The following CHD6 variants were observed in gnomAD, a reference collection of about 807,000 sequenced individuals.
The protein encoded by CHD6 is chromodomain helicase DNA binding protein 6.
In CHD6, 50 loss-of-function variants were observed where a neutral mutation model predicts 276.9. The ratio of observed to expected loss-of-function variants is 0.18; its 90% CI spans 0.14 to 0.23. CHD6 has a LOEUF of 0.23. Among genes scored for constraint, CHD6 ranks in the 10% least tolerant of loss-of-function variants. CHD6 has a pLI of 1.00. For synonymous variants in CHD6, 1,173 were observed against 1,229.3 expected, an observed-to-expected ratio of 0.95 and a Z score of 0.96; for missense variants, 2,564 against 3,365.8, an observed-to-expected ratio of 0.76 and a Z score of 5.89.
At chr20:41,606,462 C>T (rs568464742) in intron 1 of CHD6, among the ~76,000 whole-genome samples, 2 of 151,440 alleles carry the variant, frequency 1.3e-5, no homozygotes, top group South Asian at 2.1e-4. Context: ...TGCAGTGAGC[C>T]GAGATCGTGC....
chr20:41,504,403 C>CTTTTT (rs200549678), intron 5 of CHD6, among the ~76,000 whole-genome samples: 43 of 109,946 alleles, frequency 3.9e-4, no homozygotes, highest in Admixed American at 7.9e-4. Context: ...CCTCTATTTT[C>CTTTTT]TTTTTTTTTT....
chr20:41,614,316 C>T (rs770417617), intron 1 of CHD6, among the ~76,000 whole-genome samples: 3 of 152,150 alleles, frequency 2.0e-5, no homozygotes, highest in Non-Finnish European at 2.9e-5. Flanking sequence ...GTATATTAAA[C>T]TCTTTTGAAA....
At position 41,404,029 on chromosome 20, in the gene CHD6, A is replaced by G. The variant is rs2046600586; in HGVS notation, c.*564T>C. On this transcript the variant is annotated 3_prime_UTR_variant, in exon 37 of 37. Transcript: ENST00000373233. Reference sequence around the variant, plus strand: ...GGTTTTTGTTTTTTATAAAGAAATGAATATATGTATTTTCAACCATTAGTT... The same window carrying G: ...GGTTTTTGTTTTTTATAAAGAAATGGATATATGTATTTTCAACCATTAGTT... 9.5e-7 allele frequency: 1 copy of G among 1,048,924 alleles called. No individual in the cohort carries two copies. The highest frequency in any genetic ancestry group is 5.5e-5 in the Admixed American group (1 of 18,254). 65.0% of individuals were successfully genotyped at this position (1,048,924 alleles called of 1,614,324 possible).
At chr20:41,617,202 G>A (rs1475392851) in intron 1 of CHD6, among the ~76,000 whole-genome samples, 1 of 152,132 alleles carries the variant, frequency 6.6e-6, no homozygotes, top group Non-Finnish European at 1.5e-5. Context: ...CCAGAGAGAT[G>A]CTCAGAGATG....
chr20:41,416,116 A>T (rs2046988628), intron 33 of CHD6, among the ~76,000 whole-genome samples: 2 of 152,252 alleles, frequency 1.3e-5, no homozygotes, highest in South Asian at 4.2e-4. Context: ...CACCCCCACC[A>T]AAACGCTCAC....
chr20:41,516,331 TTTTG>T (rs1402788799), intron 3 of CHD6, among the ~76,000 whole-genome samples: 1 of 152,048 alleles, frequency 6.6e-6, no homozygotes, highest in Non-Finnish European at 1.5e-5. Flanking sequence ...GGCTAATTGT[TTTTG>T]TTTGTTTTCA....
intron 3 of CHD6, among the ~76,000 whole-genome samples, chr20:41,522,334 A>T (rs1459981027): frequency 6.6e-6 from 1 of 152,066 alleles, no homozygotes; most frequent in Non-Finnish European, 1.5e-5. Context: ...TGACAGAGCA[A>T]GACCCTGTCT....
At chr20:41,534,398 A>G (rs2044773547) in intron 2 of CHD6, among the ~76,000 whole-genome samples, 1 of 152,222 alleles carries the variant, frequency 6.6e-6, no homozygotes, top group Admixed American at 6.5e-5. Flanking sequence ...GTTTCCCTTC[A>G]GTATGCTGGT....
intron 5 of CHD6, among the ~76,000 whole-genome samples, chr20:41,509,413 T>C (rs964466015): frequency 2.6e-5 from 4 of 152,062 alleles, no homozygotes; most frequent in African/African-American, 9.7e-5. Context: ...ACTTGGCAGG[T>C]GTTCGAAGGA....
chr20:41,415,395 C>A lies in CHD6; in HGVS notation c.6730G>T (p.Ala2244Ser). 1 of 1,613,562 alleles carries A rather than the reference C, an allele frequency of 6.2e-7. No individual in the cohort carries two copies. Residue 2244 changes from alanine (A) to serine (S), a missense_variant, in exon 34 of 37, where the codon GCT becomes TCT. By Grantham distance (99) the Ala-to-Ser change is moderately conservative. Around this residue, in one of 7 missense-constraint regions of CHD6, gnomAD observed 1,024 missense variants for 1,047.9 expected, o/e 0.98. Coordinates refer to ENST00000373233, the MANE Select transcript of CHD6 (RefSeq NM_032221.5). The stretch of plus-strand genomic sequence containing the variant: ...AGGGCTCCCTGAAGTGAACTGATAG[C>A]CCCAATCTTAGGGGTGCTGGCGCTC... ...PVSASTPKIG[A>S]ISSLQGALGM...
Position 41,533,497 on chromosome 20 carries a change from G to A in CHD6, c.107C>T (p.Ser36Phe), listed in dbSNP as rs1264019844. 1 of 1,613,882 alleles carries A rather than the reference G, an allele frequency of 6.2e-7. No homozygotes were observed. The highest frequency in any genetic ancestry group is 8.5e-7 in the Non-Finnish European group (1 of 1,179,974). The change falls in exon 3 of 37, where the codon TCC becomes TTC. Residue 36 changes from serine to phenylalanine, a missense_variant. Ser to Phe is a radical substitution (Grantham distance 155, BLOSUM62 -2). Transcript: ENST00000373233. ...TTGATCAGTGCTGCAGTCAAATGGG[G>A]ATGGAGATTTGTAGTCAAAATTGAC... ...ASVNFDYKSP[S>F]PFDCSTDQEE...
intron 36 of CHD6, among the ~76,000 whole-genome samples, chr20:41,410,992 C>T (rs1356104008): frequency 2.0e-5 from 3 of 152,066 alleles, no homozygotes; most frequent in Admixed American, 6.6e-5. Context: ...CAAAGGTGAA[C>T]TAGCTCGTAC....
chr20:41,555,228 T>C (rs1163602233), intron 1 of CHD6, among the ~76,000 whole-genome samples: 52 of 84,998 alleles, frequency 6.1e-4, no homozygotes, highest in East Asian at 1.1e-3. Context: ...GCTGGCCGGG[T>C]GGGGGGCTGA....
intron 2 of CHD6, among the ~76,000 whole-genome samples, chr20:41,548,788 A>C (rs561529866): frequency 6.6e-6 from 1 of 152,260 alleles, no homozygotes; most frequent in African/African-American, 2.4e-5. Flanking sequence ...AACTCAAACA[A>C]ATTTACAAGA....
intron 36 of CHD6, among the ~76,000 whole-genome samples, chr20:41,407,235 G>T (rs529480155): frequency 3.3e-5 from 5 of 152,156 alleles, no homozygotes; most frequent in African/African-American, 2.4e-5. Context: ...TCTGCAGAGT[G>T]GGGGGTGGGG....
intron 5 of CHD6, among the ~76,000 whole-genome samples, chr20:41,504,059 TAG>T (rs2043908088): frequency 9.6e-6 from 1 of 103,994 alleles, no homozygotes; most frequent in African/African-American, 4.2e-5. Flanking sequence ...GCTTGGGTGA[TAG>T]AGTGAGACTC....
At chr20:41,556,097 C>G (rs1158042470) in intron 1 of CHD6, among the ~76,000 whole-genome samples, 1 of 152,088 alleles carries the variant, frequency 6.6e-6, no homozygotes, top group Non-Finnish European at 1.5e-5. Flanking sequence ...CAAAAAAATA[C>G]GAAAACCAGT....
At chr20:41,485,347 A>C (rs2043388046) in intron 14 of CHD6, among the ~76,000 whole-genome samples, 1 of 152,216 alleles carries the variant, frequency 6.6e-6, no homozygotes, top group Non-Finnish European at 1.5e-5. Flanking sequence ...GTTAACCTGG[A>C]GCTAAAACAT....
At chr20:41,492,248 A>AATTAAAAG (rs2145869697) in intron 10 of CHD6, among the ~76,000 whole-genome samples, 1 of 152,236 alleles carries the variant, frequency 6.6e-6, no homozygotes, top group East Asian at 1.9e-4. Context: ...TAGATGACTG[A>AATTAAAAG]CAAGTTGAAT....
Sources: gnomAD v4.1 joint callset for allele counts (sites outside exome capture counted in the v4.1 genomes callset) on GRCh38, gnomAD v4.1.1 for gene constraint, gnomAD v4.1.1 regional missense constraint, MANE v1.5 for transcripts, NCBI Gene and HGNC (gene_info 2026-07-23, HGNC 2026-07-21) for gene names.